The following SYT6 variants were observed in gnomAD, a reference collection of about 807,000 sequenced individuals.
SYT6 encodes the protein synaptotagmin 6.
A neutral mutation model predicts 38.4 loss-of-function variants in SYT6; 24 were observed. The observed-to-expected ratio is 0.62, with a 90% CI of 0.45 to 0.88. The LOEUF (loss-of-function observed/expected upper bound fraction) is 0.88, where lower values mean the gene tolerates loss of function less well. SYT6 is among the 40% of genes least tolerant of loss of function. The pLI, the probability that SYT6 is intolerant of heterozygous loss-of-function variation, is 0.00. For synonymous variants in SYT6, 265 were observed against 241.9 expected (o/e 1.10, Z -0.89); for missense variants, 611 against 621.0 (o/e 0.98, Z 0.17).
At chr1:114,114,795 C>T (rs1452781678) in intron 3 of SYT6, among the ~76,000 whole-genome samples, 1 of 152,242 alleles carries the variant, frequency 6.6e-6, no homozygotes, top group Non-Finnish European at 1.5e-5. Flanking sequence ...CCTAATGCAA[C>T]TGAAGTCATT....
intron 7 of SYT6, 136 bp downstream of exon 7, chr1:114,093,599 C>A: frequency 1.4e-6 from 1 of 723,582 alleles, no homozygotes; most frequent in Non-Finnish European, 2.2e-6. Flanking sequence ...AACCCGAAAC[C>A]AGGTCTCCTA....
rs548024358 is a variant in SYT6 at position 114,091,904 on chromosome 1, C to T, written c.*230G>A. On this transcript the variant is annotated 3_prime_UTR_variant, in exon 8 of 8. Transcript: ENST00000610222. ...GCAGGTAAGACTCTGGAGTGACGGA[C>T]GGCTGCCGCTGCTGCCGCCACTGCG... is the stretch of plus-strand genomic sequence containing the variant. 59 of 1,131,114 alleles carry T rather than the reference C, an allele frequency of 5.2e-5. No homozygotes were observed. Among genetic ancestry groups the T allele is most frequent in the Admixed American group, 5.0e-4 (24 of 47,992 alleles). The allele number at this position is 1,131,114 out of a possible 1,614,324, so 70.1% of individuals were successfully genotyped here. A position where few individuals can be genotyped will look rare whatever the true frequency, so the allele number is the denominator to read the frequency against.
chr1:114,101,299 G>T (rs1235822789), intron 4 of SYT6, among the ~76,000 whole-genome samples: 2 of 152,220 alleles, frequency 1.3e-5, no homozygotes, highest in Admixed American at 6.5e-5. Flanking sequence ...CTTTTCTGGG[G>T]CAAAAGTCTG....
chr1:114,132,338 G>A lies in SYT6; in HGVS notation c.1071+5157C>T, dbSNP rs74112948. Among the ~76,000 whole-genome samples the A allele has an allele frequency of 6.6e-3, 1,005 of 152,304 alleles. 7 individuals carry two copies. The highest frequency in any genetic ancestry group is 0.023 in the African/African-American group (967 of 41,568). ...AAACCTCCTAGAGGACATTCCCCACGGGCTTGAAGAGAGGCCTGACTCTTT... is the reference window on the plus strand; with the variant it reads ...AAACCTCCTAGAGGACATTCCCCACAGGCTTGAAGAGAGGCCTGACTCTTT... On this transcript the variant is annotated intron_variant, in intron 3 of 7. Transcript: ENST00000610222.
In SYT6 at chr1:114,120,968, G is replaced by A. The variant is rs528218659; in HGVS notation, c.1071+16527C>T. Among the ~76,000 whole-genome samples the A allele has an allele frequency of 3.3e-5, 5 of 152,318 alleles. No individual in the cohort carries two copies. In the South Asian group the frequency reaches 6.2e-4, roughly 19 times the overall value. On this transcript the variant is annotated intron_variant, in intron 3 of 7. Coordinates refer to ENST00000610222, the MANE Select transcript of SYT6 (RefSeq NM_001253772.2). Reference sequence around the variant, plus strand: ...AGCTGCATCAAACCTCACGCTGTCCGTGCCTAGAGGCAGGGCCTTCATTGA... The same window carrying A: ...AGCTGCATCAAACCTCACGCTGTCCATGCCTAGAGGCAGGGCCTTCATTGA...
intron 4 of SYT6, 60 bp downstream of exon 4, chr1:114,103,541 A>T: frequency 6.3e-7 from 1 of 1,599,950 alleles, no homozygotes; most frequent in Non-Finnish European, 8.5e-7. Flanking sequence ...TTCTCCCCGA[A>T]CACCCTTCCA....
In SYT6 at chr1:114,103,563, C is replaced by T. The variant is rs74112923; in HGVS notation, c.1192+38G>A. ...CGAACACCCTTCCAAATCCTAATGT[C>T]TGGGCTGCTGGCAGGCCACTTGGGT... On this transcript the variant is annotated intron_variant, in intron 4 of 7. Transcript: ENST00000610222. 3.2e-3 allele frequency: 5,200 copies of T among 1,612,680 alleles called. 147 individuals are homozygous for T. In the African/African-American group the frequency reaches 0.059, roughly 18 times the overall value.
chr1:114,146,058 A>G (rs140358202), intron 1 of SYT6, among the ~76,000 whole-genome samples: 1,915 of 152,262 alleles, frequency 0.013, 16 homozygotes, highest in Non-Finnish European at 0.019. Flanking sequence ...ATATGAGACC[A>G]GGAGGCCCGT....
Position 114,132,160 on chromosome 1 carries a change from A to G in SYT6, c.1071+5335T>C, listed in dbSNP as rs576868392. The stretch of plus-strand genomic sequence containing the variant: ...TGGCAAAGCAGGTTGTGCCCTTGGC[A>G]GCTAGCAGGAGCTCAATAAGTAATG... On this transcript the variant is annotated intron_variant, in intron 3 of 7. Coordinates refer to ENST00000610222, the MANE Select transcript of SYT6 (RefSeq NM_001253772.2). Among the ~76,000 whole-genome samples the G allele has an allele frequency of 3.9e-3, 592 of 152,336 alleles. 5 individuals carry two copies. The highest frequency in any genetic ancestry group is 0.014 in the African/African-American group (567 of 41,570).
chr1:114,094,079 G>A (rs1163578445), intron 6 of SYT6, among the ~76,000 whole-genome samples: 1 of 152,178 alleles, frequency 6.6e-6, no homozygotes, highest in Non-Finnish European at 1.5e-5. Context: ...TACACAGAGT[G>A]TCTTTCTTCC....
chr1:114,099,480 C>T lies in SYT6; in HGVS notation c.1193-215G>A, dbSNP rs988930082. On this transcript the variant is annotated intron_variant, in intron 4 of 7. Transcript: ENST00000610222. ...ATAAATGCAGAGTCTTTAGCTACCT[C>T]AGTATTCTTGGGAGAGCGCCTAATG... Among the ~76,000 whole-genome samples the T allele has an allele frequency of 7.9e-5, 12 of 152,282 alleles. No individual in the cohort carries two copies. The South Asian group carries it at 2.1e-3, about 26-fold the overall frequency.
At chr1:114,106,629 T>C (rs1384614333) in intron 3 of SYT6, among the ~76,000 whole-genome samples, 1 of 152,124 alleles carries the variant, frequency 6.6e-6, no homozygotes, top group Non-Finnish European at 1.5e-5. Context: ...TCCACATGGC[T>C]GGTATATTGT....
Position 114,153,749 on chromosome 1 carries a change from G to A in SYT6, c.24C>T (p.Gly8=). ...CGAGCGCCTCCTGGCACCGAGGCCCGCCGGCCCCCCACACTCCGCTCATGC... is the reference window on the plus strand; with the variant it reads ...CGAGCGCCTCCTGGCACCGAGGCCCACCGGCCCCCCACACTCCGCTCATGC... MSGVWGA[G]GPRCQEALAV... is the part of the protein sequence containing the mutation. Residue 8 remains glycine (G), a synonymous_variant, in exon 1 of 8, where the codon GGC becomes GGT. Transcript: ENST00000610222. The A allele has an allele frequency of 1.5e-6, 1 of 680,438 alleles. No homozygotes were observed. The highest frequency in any genetic ancestry group is 2.7e-6 in the Non-Finnish European group (1 of 375,366). The allele number at this position is 680,438 out of a possible 1,614,324, so 42.2% of individuals were successfully genotyped here. A position where few individuals can be genotyped will look rare whatever the true frequency, so the allele number is the denominator to read the frequency against.
intron 1 of SYT6, chr1:114,152,207 C>T (rs934361941): frequency 1.3e-5 from 2 of 152,226 alleles, no homozygotes; most frequent in African/African-American, 4.8e-5. Context: ...GGGAGTTTAC[C>T]CCACCTGTAC....
chr1:114,130,909 C>T (rs1304889092), intron 3 of SYT6, among the ~76,000 whole-genome samples: 1 of 152,172 alleles, frequency 6.6e-6, no homozygotes, highest in Non-Finnish European at 1.5e-5. Context: ...GAGGCTTCAC[C>T]CCCGGGTGAT....
In SYT6 at chr1:114,139,822, G is replaced by C. The variant is rs199728827; in HGVS notation, c.305C>G (p.Pro102Arg). 6.2e-7 allele frequency: 1 copy of C among 1,603,246 alleles called. No homozygotes were observed. The highest frequency in any genetic ancestry group is 2.2e-5 in the East Asian group (1 of 44,756). The change falls in exon 2 of 8, where the codon CCC (proline) becomes CGC (arginine). Residue 102 changes from proline to arginine, a missense_variant. Physicochemically the swap from Pro to Arg is moderately radical, Grantham distance 103. Transcript: ENST00000610222. ...EASSPSSANP[P>R]LEALQSPSFR... ...GCTGGGGCTCTGGAGGGCTTCCAAG[G>C]GGGGATTAGCAGAAGAGGGACTGGA...
chr1:114,094,912 C>A (rs1051477149), intron 6 of SYT6, among the ~76,000 whole-genome samples: 1 of 152,214 alleles, frequency 6.6e-6, no homozygotes, highest in African/African-American at 2.4e-5. Flanking sequence ...CAATGCATCG[C>A]GTGGACACAA....
At chr1:114,103,745 C>T in intron 3 of SYT6, 24 bp from the exon 4 acceptor site, 1 of 1,608,922 alleles carries the variant, frequency 6.2e-7, no homozygotes, top group Non-Finnish European at 8.5e-7. Flanking sequence ...CACAAGAGGG[C>T]AGATGAGGGG....
intron 6 of SYT6, 83 bp from the exon 7 acceptor site, chr1:114,093,886 T>G (rs1571808226): frequency 8.0e-7 from 1 of 1,246,180 alleles, no homozygotes. Flanking sequence ...AACCAGAAGG[T>G]GACAACACAT....
Sources: allele counts gnomAD v4.1 joint callset (sites outside exome capture counted in the v4.1 genomes callset), GRCh38; gene constraint gnomAD v4.1.1; transcripts MANE v1.5; gene names NCBI Gene and HGNC (gene_info 2026-07-23, HGNC 2026-07-21).